TMC3: variants seen among roughly 807,000 people sequenced by gnomAD.
The protein encoded by TMC3 is transmembrane channel like 3.
TMC3 carries 98 observed loss-of-function variants against 110.6 expected under a neutral mutation model. The observed-to-expected ratio is 0.89, with a 90% CI of 0.75 to 1.05. The LOEUF is 1.05. Ranked by LOEUF, TMC3 falls within the 50% of genes least tolerant of loss-of-function variation. TMC3 has a pLI of 0.00. For missense variants in TMC3, 1,319 were observed against 1,373.2 expected (o/e 0.96, Z 0.62); for synonymous variants, 489 against 513.1 (o/e 0.95, Z 0.63).
In TMC3 at chr15:81,333,187, C is replaced by T. The variant is rs774855363; in HGVS notation, c.2535G>A (p.Thr845=). 3.7e-6 allele frequency: 6 copies of T among 1,613,918 alleles called. No homozygotes were observed. The highest frequency in any genetic ancestry group is 5.1e-6 in the Non-Finnish European group (6 of 1,179,862). ...NRSRTPMTFT[T]HIEDVHSEPL... ...GTTCTGAGTGTACATCTTCGATGTG[C>T]GTTGTAAATGTCATAGGTGTGCGCG... The change falls in exon 22 of 22, where the codon ACG becomes ACA. Residue 845 remains threonine, a synonymous_variant. Coordinates refer to ENST00000359440, the MANE Select transcript of TMC3 (RefSeq NM_001080532.3).
At position 81,372,662 on chromosome 15, in the gene TMC3, C is replaced by G; in HGVS notation, c.165G>C (p.Gln55His). 1.9e-6 allele frequency: 3 copies of G among 1,614,004 alleles called. No homozygotes were observed. Among genetic ancestry groups the G allele is most frequent in the Non-Finnish European group, 1.7e-6 (2 of 1,179,878 alleles). ...NDPEQIFQNIQFQKDLMANIR... is the reference protein window; with the variant it reads ...NDPEQIFQNIHFQKDLMANIR... ...TGTTTGCCATGAGATCTTTCTGGAA[C>G]TGTATATTCTGGAAGATTTGTTCCG... is the stretch of plus-strand genomic sequence containing the variant. Residue 55 changes from glutamine (Q) to histidine (H), a missense_variant, in exon 2 of 22, where the codon CAG becomes CAC. Physicochemically the swap from Gln to His is conservative, Grantham distance 24 (BLOSUM62 0). Coordinates refer to ENST00000359440, the MANE Select transcript of TMC3 (RefSeq NM_001080532.3).
chr15:81,337,801 G>A (rs1352503655), intron 19 of TMC3, 45 bp downstream of exon 19: 1 of 1,501,748 alleles, frequency 6.7e-7, no homozygotes, highest in South Asian at 1.1e-5. Context: ...TCTCAGTCAT[G>A]TGGTTGACAC....
intron 10 of TMC3, among the ~76,000 whole-genome samples, chr15:81,350,286 A>G (rs1278071264): frequency 6.6e-6 from 1 of 152,302 alleles, no homozygotes; most frequent in African/African-American, 2.4e-5. Flanking sequence ...CCCAATTACC[A>G]TCTCACAGTA....
chr15:81,369,845 G>A (rs918023750), intron 2 of TMC3, among the ~76,000 whole-genome samples: 2 of 152,194 alleles, frequency 1.3e-5, no homozygotes, highest in Admixed American at 1.3e-4. Context: ...AAGATCACTT[G>A]AGCCCAGGAG....
At chr15:81,357,646 G>A (rs1051801390) in intron 7 of TMC3, among the ~76,000 whole-genome samples, 3 of 152,156 alleles carry the variant, frequency 2.0e-5, no homozygotes, top group Non-Finnish European at 4.4e-5. Flanking sequence ...TGACCTAGAG[G>A]TGCCAACTGC....
intron 9 of TMC3, 34 bp downstream of exon 9, chr15:81,355,691 C>G: frequency 6.9e-7 from 1 of 1,449,168 alleles, no homozygotes; most frequent in Non-Finnish European, 9.6e-7. Flanking sequence ...TAAAACTTAT[C>G]AATGAATTCA....
intron 1 of TMC3, among the ~76,000 whole-genome samples, chr15:81,373,515 A>T (rs904683221): frequency 6.6e-6 from 1 of 152,172 alleles, no homozygotes. Context: ...TTAGAGGAGA[A>T]TTTTTTTCAA....
chr15:81,363,122 G>T (rs1191874694), intron 3 of TMC3, among the ~76,000 whole-genome samples: 1 of 152,080 alleles, frequency 6.6e-6, no homozygotes, highest in Non-Finnish European at 1.5e-5. Context: ...AGGTGTGGTG[G>T]CGTGCGCCTG....
At chr15:81,372,775 A>T in intron 1 of TMC3, 38 bp from the exon 2 acceptor site, 1 of 1,606,014 alleles carries the variant, frequency 6.2e-7, no homozygotes, top group Non-Finnish European at 8.5e-7. Context: ...ATCTGATTAG[A>T]AGAATTGCTT....
At chr15:81,363,423 AATG>A (rs1297957394) in intron 3 of TMC3, among the ~76,000 whole-genome samples, 3 of 152,346 alleles carry the variant, frequency 2.0e-5, no homozygotes, top group East Asian at 1.9e-4. Context: ...GCTGGAAGCA[AATG>A]ATATCATTGC....
intron 4 of TMC3, 28 bp from the exon 5 acceptor site, chr15:81,359,499 G>T: frequency 6.9e-7 from 1 of 1,454,516 alleles, no homozygotes; most frequent in Non-Finnish European, 9.3e-7. Flanking sequence ...AATGAGAACA[G>T]TTTAAATAAA....
intron 17 of TMC3, among the ~76,000 whole-genome samples, chr15:81,339,133 A>G (rs947842315): frequency 2.6e-5 from 4 of 152,244 alleles, no homozygotes; most frequent in Non-Finnish European, 4.4e-5. Flanking sequence ...ACCAGGTAGA[A>G]TGTCCTCTAG....
rs191284515 is a variant in TMC3, at chr15:81,337,893, G to A, written c.2113C>T (p.Arg705Trp). 29 of 1,613,978 alleles carry A rather than the reference G, an allele frequency of 1.8e-5. No individual in the cohort carries two copies. Among genetic ancestry groups the A allele is most frequent in the East Asian group, 1.1e-4 (5 of 44,890 alleles). ...MLIYYLQSIARSLKLSNHQLK... is the reference protein window; with the variant it reads ...MLIYYLQSIAWSLKLSNHQLK... ...TGGTGGTTGCTGAGCTTTAGAGACC[G>A]TGCGATGCTCTGGAGATAATAGATG... Residue 705 changes from arginine (R) to tryptophan (W), a missense_variant, in exon 19 of 22, where the codon CGG becomes TGG. Physicochemically the swap from Arg to Trp is moderately radical, Grantham distance 101 (BLOSUM62 -3). Transcript: ENST00000359440.
intron 3 of TMC3, among the ~76,000 whole-genome samples, chr15:81,365,296 C>T (rs1264352956): frequency 2.0e-5 from 3 of 152,356 alleles, no homozygotes; most frequent in Non-Finnish European, 2.9e-5. Flanking sequence ...TTCATTTGAC[C>T]AGCATCTCTT....
In TMC3 at chr15:81,334,918, G is replaced by C; in HGVS notation, c.2261C>G (p.Thr754Ser). Residue 754 changes from threonine to serine, a missense_variant, in exon 21 of 22, where the codon ACC (threonine) becomes AGC (serine). Coordinates refer to ENST00000359440, the MANE Select transcript of TMC3 (RefSeq NM_001080532.3). ...CGAGTGCGCTGAGGACAGCTGGCTG[G>C]TAAGATCACTGTCGTTTGGAAGCTT... The part of the protein sequence containing the change: ...TKKLPNDSDL[T>S]SQLSSAHSGT... 6.2e-7 allele frequency: 1 copy of C among 1,614,040 alleles called. No homozygotes were observed. Among genetic ancestry groups the C allele is most frequent in the South Asian group, 1.1e-5 (1 of 91,086 alleles).
In TMC3 at chr15:81,369,510, T is replaced by C. The variant is rs148710362; in HGVS notation, c.237-1182A>G. On this transcript the variant is annotated intron_variant, in intron 2 of 21. Coordinates refer to ENST00000359440, the MANE Select transcript of TMC3 (RefSeq NM_001080532.3). The stretch of plus-strand genomic sequence containing the variant: ...CAAGTTTTTAAAAAGTAAAAGCCTA[T>C]TGAAGTCAAATAACAATTCATTTTA... 2.9e-4 allele frequency among the ~76,000 whole-genome samples: 44 copies of C among 152,338 alleles called. No individual in the cohort carries two copies. The East Asian group carries it at 6.4e-3, about 22-fold the overall frequency.
In TMC3 at chr15:81,332,767, G is replaced by A; in HGVS notation, c.2955C>T (p.Pro985=). ...TGTAGTGCACCCTCCCCTGGTGCTC[G>A]GGATCCCGGGTCTGACTTTCGGACC... The part of the protein sequence containing the change: ...GERSESQTRD[P]EHQGRVHYKS... Residue 985 remains proline (P), a synonymous_variant, in exon 22 of 22, where the codon CCC becomes CCT. Transcript: ENST00000359440. 2 of 1,611,764 alleles carry A rather than the reference G, an allele frequency of 1.2e-6. No individual in the cohort carries two copies. Among genetic ancestry groups the A allele is most frequent in the Non-Finnish European group, 1.7e-6 (2 of 1,179,004 alleles).
At chr15:81,347,858 G>A (rs747104994) in intron 11 of TMC3, among the ~76,000 whole-genome samples, 4 of 152,216 alleles carry the variant, frequency 2.6e-5, no homozygotes, top group African/African-American at 7.2e-5. Context: ...GTCAAAAGAC[G>A]TGTTGGGTGG....
At chr15:81,333,377 T>C in intron 21 of TMC3, 115 bp from the exon 22 acceptor site, 2 of 1,379,692 alleles carry the variant, frequency 1.4e-6, no homozygotes, top group Non-Finnish European at 2.0e-6. Flanking sequence ...TGGTTCCAAC[T>C]GGTTAATGGG....
Sources: allele counts gnomAD v4.1 joint callset (sites outside exome capture counted in the v4.1 genomes callset), GRCh38; gene constraint gnomAD v4.1.1; transcripts MANE v1.5; gene names NCBI Gene and HGNC (gene_info 2026-07-23, HGNC 2026-07-21).